Variants in TXNRD3 observed in about 807,000 individuals in gnomAD.
TXNRD3 encodes the protein thioredoxin reductase 3.
A neutral mutation model predicts 78.2 loss-of-function variants in TXNRD3; 68 were observed. That is an observed-to-expected ratio of 0.87 (90% CI 0.72 to 1.06). The LOEUF (loss-of-function observed/expected upper bound fraction) is 1.06, where lower values mean the gene tolerates loss of function less well. TXNRD3 is among the 50% of genes least tolerant of loss of function. The pLI, the probability that TXNRD3 is intolerant of heterozygous loss-of-function variation, is 0.00. For missense variants in TXNRD3, 751 were observed against 809.5 expected (o/e 0.93, Z 0.88); for synonymous variants, 296 against 300.1 (o/e 0.99, Z 0.14).
At chr3:126,636,094 G>A (rs1429167507) in intron 6 of TXNRD3, among the ~76,000 whole-genome samples, 2 of 152,026 alleles carry the variant, frequency 1.3e-5, no homozygotes, top group African/African-American at 4.8e-5. Context: ...ACCATGCCCA[G>A]CTTATTTTTC....
In TXNRD3 at chr3:126,654,908, G is replaced by A. The variant is rs1933478035; in HGVS notation, c.83C>T (p.Ala28Val). 2 of 1,310,178 alleles carry A rather than the reference G, an allele frequency of 1.5e-6. No homozygotes were observed. The highest frequency in any genetic ancestry group is 9.6e-7 in the Non-Finnish European group (1 of 1,037,996). The allele number at this position is 1,310,178 out of a possible 1,614,324, so 81.2% of individuals were successfully genotyped here. The change falls in exon 1 of 16, where the codon GCG becomes GTG. Residue 28 changes from alanine to valine, a missense_variant. By Grantham distance (64) the Ala-to-Val change is moderately conservative (BLOSUM62 0). Transcript: ENST00000524230. Reference sequence around the variant, plus strand: ...GCGCCCCGGCGGCGACAACACGCGCGCCCCTCGGACATGGCCCGAGCGGCG... The same window carrying A: ...GCGCCCCGGCGGCGACAACACGCGCACCCCTCGGACATGGCCCGAGCGGCG...
At position 126,643,973 on chromosome 3, in the gene TXNRD3, C is replaced by T. The variant is rs1465505668; in HGVS notation, c.592+8G>A. On this transcript the variant is annotated splice_region_variant and intron_variant, in intron 5 of 15. Coordinates refer to ENST00000524230, the MANE Select transcript of TXNRD3 (RefSeq NM_052883.3). ...AGCAGAGAGGAACAACAGAGAAAAA[C>T]AACTTACCCCAGGATGTGCCCTGAG... 6.5e-7 allele frequency: 1 copy of T among 1,534,020 alleles called. No individual in the cohort carries two copies. Among genetic ancestry groups the T allele is most frequent in the African/African-American group, 1.4e-5 (1 of 72,850 alleles).
intron 6 of TXNRD3, among the ~76,000 whole-genome samples, chr3:126,635,554 T>C (rs1259256632): frequency 1.3e-5 from 2 of 152,196 alleles, no homozygotes; most frequent in Non-Finnish European, 2.9e-5. Flanking sequence ...TTAGCTATTT[T>C]CACATATGTA....
intron 6 of TXNRD3, among the ~76,000 whole-genome samples, chr3:126,635,025 G>A (rs972284276): frequency 3.9e-5 from 6 of 152,054 alleles, no homozygotes; most frequent in Non-Finnish European, 2.9e-5. Flanking sequence ...CAGAATAGTC[G>A]TTCTTCTTAC....
At chr3:126,626,459 C>T (rs142182667) in intron 10 of TXNRD3, among the ~76,000 whole-genome samples, 17 of 152,002 alleles carry the variant, frequency 1.1e-4, no homozygotes, top group African/African-American at 3.6e-4. Flanking sequence ...AAAATTCAAA[C>T]GATCCAATAA....
At chr3:126,615,246 A>T in intron 13 of TXNRD3, 109 bp downstream of exon 13, 1 of 504,518 alleles carries the variant, frequency 2.0e-6, no homozygotes, top group Non-Finnish European at 3.4e-6. Context: ...GATTTCCTAC[A>T]ATATAACCAT....
chr3:126,643,100 C>T (rs1200075389), intron 5 of TXNRD3, among the ~76,000 whole-genome samples: 1 of 152,104 alleles, frequency 6.6e-6, no homozygotes, highest in African/African-American at 2.4e-5. Flanking sequence ...TGGCCTTCCA[C>T]AGGAAGATGC....
At chr3:126,620,389 A>G (rs1938423669) in intron 12 of TXNRD3, among the ~76,000 whole-genome samples, 1 of 152,060 alleles carries the variant, frequency 6.6e-6, no homozygotes, top group East Asian at 1.9e-4. Context: ...CTTCTCAGAT[A>G]TGGCAACAGA....
intron 14 of TXNRD3, 22 bp downstream of exon 14, chr3:126,611,015 G>T: frequency 7.9e-7 from 1 of 1,271,880 alleles, no homozygotes; most frequent in Non-Finnish European, 1.0e-6. Flanking sequence ...ACAGCATTTT[G>T]GCTTCTAGTG....
In TXNRD3 at chr3:126,654,702, G is replaced by A. The variant is rs1014008833; in HGVS notation, c.243+46C>T. 5.7e-6 allele frequency: 7 copies of A among 1,219,390 alleles called. No individual in the cohort carries two copies. In the Admixed American group the frequency reaches 3.0e-4, roughly 52 times the overall value. The allele number at this position is 1,219,390 out of a possible 1,614,324, so 75.5% of individuals were successfully genotyped here. On this transcript the variant is annotated intron_variant, in intron 1 of 15. Transcript: ENST00000524230. Reference sequence around the variant, plus strand: ...GCCCTGCCCCGGGTGGCGTCCGCGTGGCGGGCCCGGTCGCGCGCGGTGGAA... The same window carrying A: ...GCCCTGCCCCGGGTGGCGTCCGCGTAGCGGGCCCGGTCGCGCGCGGTGGAA...
At chr3:126,630,536 C>A (rs1487769779) in intron 9 of TXNRD3, among the ~76,000 whole-genome samples, 176 bp downstream of exon 9, 1 of 152,018 alleles carries the variant, frequency 6.6e-6, no homozygotes, top group Non-Finnish European at 1.5e-5. Flanking sequence ...AGCAAGGACA[C>A]CTCCTATATC....
rs1933264145 is a variant in TXNRD3 at position 126,647,314 on chromosome 3, C to T, written c.244-18G>A. ...TCTTTCACCTGTAAAAAAAATTTAGCTAAGTTTCACTCTCAGAAAAGATTC... is the reference window on the plus strand; with the variant it reads ...TCTTTCACCTGTAAAAAAAATTTAGTTAAGTTTCACTCTCAGAAAAGATTC... On this transcript the variant is annotated intron_variant, in intron 1 of 15. Transcript: ENST00000524230. The T allele has an allele frequency of 6.6e-7, 1 of 1,511,494 alleles. No individual in the cohort carries two copies. The highest frequency in any genetic ancestry group is 8.9e-7 in the Non-Finnish European group (1 of 1,125,482). The allele number at this position is 1,511,494 out of a possible 1,614,324, so 93.6% of individuals were successfully genotyped here.
At chr3:126,619,341 A>T (rs1044689051) in intron 12 of TXNRD3, among the ~76,000 whole-genome samples, 33 of 152,304 alleles carry the variant, frequency 2.2e-4, no homozygotes, top group African/African-American at 7.9e-4. Context: ...GATAAAGAAA[A>T]CGTAGTATAT....
chr3:126,645,776 T>C (rs1468592037), intron 3 of TXNRD3, among the ~76,000 whole-genome samples: 5 of 152,194 alleles, frequency 3.3e-5, no homozygotes, highest in African/African-American at 9.6e-5. Flanking sequence ...GGAATTCTAA[T>C]TGTCCTAGAC....
chr3:126,618,863 C>CAAAAAAAAAAA (rs36021189), intron 12 of TXNRD3, among the ~76,000 whole-genome samples: 2 of 73,110 alleles, frequency 2.7e-5, no homozygotes, highest in Admixed American at 1.5e-4. Context: ...AACTCAGAGC[C>CAAAAAAAAAAA]AAAAAAAAAA....
At chr3:126,653,099 C>T (rs1251915575) in intron 1 of TXNRD3, among the ~76,000 whole-genome samples, 2 of 152,194 alleles carry the variant, frequency 1.3e-5, no homozygotes, top group Non-Finnish European at 2.9e-5. Flanking sequence ...GTATGTATAG[C>T]TCACGTTTAT....
chr3:126,654,550 A>G (rs1933462913), intron 1 of TXNRD3, among the ~76,000 whole-genome samples, 198 bp downstream of exon 1: 1 of 152,250 alleles, frequency 6.6e-6, no homozygotes, highest in African/African-American at 2.4e-5. Context: ...AGGTCACGCA[A>G]TTAGGAGAGT....
At chr3:126,639,959 A>T (rs1423952697) in intron 6 of TXNRD3, among the ~76,000 whole-genome samples, 1 of 152,076 alleles carries the variant, frequency 6.6e-6, no homozygotes, top group Admixed American at 6.5e-5. Flanking sequence ...AGGAGGCCTC[A>T]TTTTATCTAC....
intron 10 of TXNRD3, among the ~76,000 whole-genome samples, chr3:126,624,088 G>C (rs569360516): frequency 1.3e-5 from 2 of 152,022 alleles, no homozygotes; most frequent in Non-Finnish European, 2.9e-5. Flanking sequence ...ACATTGCTGA[G>C]AGGAACTAAG....
Sources: allele counts gnomAD v4.1 joint callset (sites outside exome capture counted in the v4.1 genomes callset), GRCh38; gene constraint gnomAD v4.1.1; transcripts MANE v1.5; gene names NCBI Gene and HGNC (gene_info 2026-07-23, HGNC 2026-07-21).